The following CCNJL variants were observed in gnomAD, a reference collection of about 807,000 sequenced individuals.
CCNJL encodes cyclin J like.
A neutral mutation model predicts 33.4 loss-of-function variants in CCNJL; 33 were observed. The observed-to-expected ratio is 0.99, with a 90% confidence interval of 0.75 to 1.32. CCNJL has a LOEUF of 1.32. CCNJL is among the 40% of genes most tolerant of loss of function. CCNJL has a pLI of 0.00. For missense variants in CCNJL, 512 were observed against 499.7 expected, an observed-to-expected ratio of 1.02 and a Z score of -0.23; for synonymous variants, 227 against 220.9, an observed-to-expected ratio of 1.03 and a Z score of -0.24.
chr5:160,263,284 A>G (rs1319553795), intron 3 of CCNJL, among the ~76,000 whole-genome samples: 1 of 152,202 alleles, frequency 6.6e-6, no homozygotes, highest in Admixed American at 6.5e-5. Context: ...TGTTATTAGC[A>G]TTTCTAAGAC....
chr5:160,286,611 C>G (rs1762414586), intron 2 of CCNJL, among the ~76,000 whole-genome samples: 1 of 151,922 alleles, frequency 6.6e-6, no homozygotes, highest in South Asian at 2.1e-4. Context: ...GCACTCCAGC[C>G]TGGGTGACAG....
At chr5:160,309,317 A>G (rs1187252941) in intron 2 of CCNJL, among the ~76,000 whole-genome samples, 3 of 152,214 alleles carry the variant, frequency 2.0e-5, no homozygotes, top group African/African-American at 7.2e-5. Flanking sequence ...GTATGATGCC[A>G]GACTGGAATC....
At chr5:160,316,699 A>G (rs1056704174), upstream of CCNJL, among the ~76,000 whole-genome samples, 3 of 152,194 alleles carry the variant, frequency 2.0e-5, no homozygotes, top group African/African-American at 7.2e-5. Context: ...TTTACATGAA[A>G]GGTAGCATAC....
At chr5:160,270,476 A>G (rs6880084) in intron 3 of CCNJL, among the ~76,000 whole-genome samples, 46,170 of 151,642 alleles carry the variant, frequency 0.3, 7,585 homozygotes, top group East Asian at 0.5. Context: ...GCCTGGTGGT[A>G]TGGACGCGCC....
intron 1 of CCNJL, among the ~76,000 whole-genome samples, chr5:160,328,694 AC>A (rs1763569061): frequency 6.7e-6 from 1 of 149,014 alleles, no homozygotes; most frequent in African/African-American, 2.5e-5. Flanking sequence ...ATATGGTGAA[AC>A]CCCGTCTCTA....
chr5:160,329,475 A>G (rs1345977762), intron 1 of CCNJL, among the ~76,000 whole-genome samples: 1 of 150,786 alleles, frequency 6.6e-6, no homozygotes, highest in Non-Finnish European at 1.5e-5. Flanking sequence ...CTCAGACTCC[A>G]GAGTAGCTGG....
Position 160,253,721 on chromosome 5 carries a change from G to A in CCNJL, c.821C>T (p.Thr274Ile). 1 of 1,585,332 alleles carries A rather than the reference G, an allele frequency of 6.3e-7. No homozygotes were observed. The highest frequency in any genetic ancestry group is 8.6e-7 in the Non-Finnish European group (1 of 1,166,888). The change falls in exon 6 of 6, where the codon ACC becomes ATC. Residue 274 changes from threonine to isoleucine, a missense_variant. Thr to Ile is a moderately conservative substitution (Grantham distance 89). Transcript: ENST00000257536. ...TGGCTGGAACAGCACTTGAGTGGGG[G>A]TGGGGGGTGTGCCGGGCACCATTGC... ...ALAMVPGTPP[T>I]PTQVLFQPPA...
At chr5:160,280,497 G>C (rs754309994) in intron 3 of CCNJL, 28 bp downstream of exon 3, 9 of 1,583,254 alleles carry the variant, frequency 5.7e-6, no homozygotes, top group South Asian at 1.1e-5. Context: ...CCGCACAAGC[G>C]CGGAGGAAGA....
intron 2 of CCNJL, among the ~76,000 whole-genome samples, chr5:160,292,350 G>A (rs1762614269): frequency 6.6e-6 from 1 of 152,146 alleles, no homozygotes; most frequent in African/African-American, 2.4e-5. Context: ...GGCCAAGCAT[G>A]GTGGCTCATG....
rs1763543261 is a variant in CCNJL, at chr5:160,326,860, CT to C, written n.207-11356del. On this transcript the variant is annotated intron_variant and non_coding_transcript_variant, in intron 1 of 7. Transcript: ENST00000377503. ...CATTAGTTTTGATGAGTATATGAACCTTGTATTAGATGATACAGAAGAGATT... is the reference window on the plus strand; with the variant it reads ...CATTAGTTTTGATGAGTATATGAACCTGTATTAGATGATACAGAAGAGATT... The C allele has an allele frequency of 4.3e-6, 3 of 700,230 alleles. No homozygotes were observed. The East Asian group carries it at 9.8e-5, about 23-fold the overall frequency. 43.4% of individuals were successfully genotyped at this position (700,230 alleles called of 1,614,324 possible). A position where few individuals can be genotyped will look rare whatever the true frequency, so the allele number is the denominator to read the frequency against.
At chr5:160,304,656 T>C (rs1353167160) in intron 2 of CCNJL, among the ~76,000 whole-genome samples, 1 of 152,092 alleles carries the variant, frequency 6.6e-6, no homozygotes, top group Non-Finnish European at 1.5e-5. Context: ...TTGGAACACT[T>C]TCTTTTTGGT....
chr5:160,292,830 A>T (rs1428854791), intron 2 of CCNJL, among the ~76,000 whole-genome samples: 2 of 152,222 alleles, frequency 1.3e-5, no homozygotes, highest in East Asian at 3.8e-4. Flanking sequence ...CAAAAATTAT[A>T]AACTATGCAC....
intron 2 of CCNJL, among the ~76,000 whole-genome samples, chr5:160,287,615 C>A (rs1421268672): frequency 6.6e-6 from 1 of 152,252 alleles, no homozygotes. Flanking sequence ...CCCAGGCACT[C>A]TTGACCTAAG....
At chr5:160,288,829 T>TAAAA (rs33916362) in intron 2 of CCNJL, among the ~76,000 whole-genome samples, 6 of 89,528 alleles carry the variant, frequency 6.7e-5, no homozygotes, top group Admixed American at 1.4e-4. Context: ...AGACTCTGTC[T>TAAAA]AAAAAAAAAA....
At chr5:160,282,990 T>TATATATATATATATAC in intron 2 of CCNJL, among the ~76,000 whole-genome samples, 1 of 60,178 alleles carries the variant, frequency 1.7e-5, no homozygotes, top group Admixed American at 1.7e-4. Flanking sequence ...TATATATATA[T>TATATATATATATATAC]ATATATATAT....
rs1561812940 is a variant in CCNJL at position 160,321,082 on chromosome 5, CTTTCT to C, written n.207-5582_207-5578del. 2.0e-3 allele frequency among the ~76,000 whole-genome samples: 226 copies of C among 114,370 alleles called. 2 individuals are homozygous for C. Among genetic ancestry groups the C allele is most frequent in the African/African-American group, 3.7e-3 (103 of 28,182 alleles). 75.0% of individuals were successfully genotyped at this position (114,370 alleles called of 152,430 possible). On this transcript the variant is annotated intron_variant and non_coding_transcript_variant, in intron 1 of 7. Coordinates refer to the CCNJL transcript ENST00000377503. ...TCTTTCTTTCTTTCTTTCTTTCTTT[CTTTCT>C]TTCCTTCTCTCTTTCTCTCTCTCTC... is the stretch of plus-strand genomic sequence containing the variant.
At chr5:160,324,623 G>GTCTATCTATCTA (rs1398184643) in intron 1 of CCNJL, among the ~76,000 whole-genome samples, 23 of 76,774 alleles carry the variant, frequency 3.0e-4, no homozygotes, top group Non-Finnish European at 6.2e-4. Context: ...ACAAAAAACT[G>GTCTATCTATCTA]TCTGTCTATC....
At chr5:160,265,394 T>G (rs1709852036) in intron 3 of CCNJL, among the ~76,000 whole-genome samples, 1 of 152,104 alleles carries the variant, frequency 6.6e-6, no homozygotes. Flanking sequence ...TCCCAGCACT[T>G]TGGGAGACCG....
intron 3 of CCNJL, among the ~76,000 whole-genome samples, chr5:160,262,110 G>A (rs1342610995): frequency 6.6e-6 from 1 of 152,002 alleles, no homozygotes; most frequent in Non-Finnish European, 1.5e-5. Context: ...CCTGAATCTT[G>A]TGCTGAGCCA....
Sources: gnomAD v4.1 joint callset for allele counts (sites outside exome capture counted in the v4.1 genomes callset) on GRCh38, gnomAD v4.1.1 for gene constraint, MANE v1.5 for transcripts, NCBI Gene and HGNC (gene_info 2026-07-23, HGNC 2026-07-21) for gene names.